LRRC49: variants seen among roughly 807,000 people sequenced by gnomAD.
LRRC49 encodes the protein leucine-rich repeat-containing protein 49.
Under a neutral mutation model 83.3 loss-of-function variants are expected in LRRC49, and 50 were observed. That is an observed-to-expected ratio of 0.60 (90% confidence interval 0.48 to 0.76). The LOEUF (loss-of-function observed/expected upper bound fraction) is 0.76. LRRC49 is among the 30% of genes least tolerant of loss of function. The pLI, the probability that LRRC49 is intolerant of heterozygous loss-of-function variation, is 0.00. For synonymous variants in LRRC49, 286 were observed against 283.3 expected, an observed-to-expected ratio of 1.01 and a Z score of -0.10; for missense variants, 704 against 809.1, an observed-to-expected ratio of 0.87 and a Z score of 1.58.
At chr15:70,997,597 G>T (rs986844388) in intron 11 of LRRC49, among the ~76,000 whole-genome samples, 13 of 152,134 alleles carry the variant, frequency 8.5e-5, no homozygotes, top group Admixed American at 1.3e-4. Flanking sequence ...CTAAAAATAT[G>T]AAAATTAGCC....
At chr15:70,927,028 A>G (rs1388100435) in intron 7 of LRRC49, among the ~76,000 whole-genome samples, 2 of 152,276 alleles carry the variant, frequency 1.3e-5, no homozygotes, top group South Asian at 2.1e-4. Flanking sequence ...CAAAACCACA[A>G]TGAGATACCA....
chr15:70,909,424 G>T (rs1051755982), intron 5 of LRRC49, among the ~76,000 whole-genome samples: 63 of 152,046 alleles, frequency 4.1e-4, no homozygotes, highest in African/African-American at 1.5e-3. Context: ...GGAATAAAAG[G>T]CTTCTCTAAT....
intron 14 of LRRC49, among the ~76,000 whole-genome samples, chr15:71,021,247 C>A (rs767744489): frequency 6.6e-6 from 1 of 152,056 alleles, no homozygotes; most frequent in Non-Finnish European, 1.5e-5. Flanking sequence ...CATATGTAGT[C>A]GGAAGGAGTA....
rs1025000178 is a variant in LRRC49, at chr15:70,904,741, G to A, written c.486G>A (p.Leu162=). ...CTCTGAGATGTCTTCGTGTCCTTCT[G>A]TTGGGGAAAAACAGGTATTCTTTGT... ...LSTLRCLRVL[L]LGKNRIKKIS... The change falls in exon 5 of 16, where the codon CTG becomes CTA. Residue 162 remains leucine (L), a synonymous_variant. Coordinates refer to ENST00000260382, the MANE Select transcript of LRRC49 (RefSeq NM_017691.5). The A allele has an allele frequency of 1.2e-6, 2 of 1,611,718 alleles. No homozygotes were observed. The highest frequency in any genetic ancestry group is 1.7e-6 in the Non-Finnish European group (2 of 1,178,650).
chr15:70,990,938 A>C (rs2037856341), intron 11 of LRRC49, among the ~76,000 whole-genome samples: 1 of 152,124 alleles, frequency 6.6e-6, no homozygotes, highest in Non-Finnish European at 1.5e-5. Context: ...CCTAACTCCA[A>C]GTTGGTAGGT....
At chr15:71,027,145 T>A (rs1029805425) in intron 14 of LRRC49, among the ~76,000 whole-genome samples, 3 of 152,232 alleles carry the variant, frequency 2.0e-5, no homozygotes, top group African/African-American at 7.2e-5. Flanking sequence ...GGGTCCAGTT[T>A]CAGTTTTCTG....
At chr15:70,992,724 G>A (rs1048792361) in intron 11 of LRRC49, among the ~76,000 whole-genome samples, 1 of 152,220 alleles carries the variant, frequency 6.6e-6, no homozygotes, top group Admixed American at 6.5e-5. Flanking sequence ...AAATGTTGCT[G>A]TCTGATTGTT....
At chr15:71,037,124 T>A in intron 14 of LRRC49, 55 bp from the exon 15 acceptor site, 1 of 1,236,812 alleles carries the variant, frequency 8.1e-7, no homozygotes, top group South Asian at 1.3e-5. Context: ...AAAATAGACA[T>A]GTTTTAGTAA....
At chr15:70,893,890 A>C (rs1338555596) in intron 2 of LRRC49, among the ~76,000 whole-genome samples, 1 of 148,594 alleles carries the variant, frequency 6.7e-6, no homozygotes, top group Non-Finnish European at 1.5e-5. Flanking sequence ...TGACATTTAC[A>C]CTTTTTTTTT....
At chr15:71,042,978 T>C (rs927331911) in intron 15 of LRRC49, among the ~76,000 whole-genome samples, 1 of 152,216 alleles carries the variant, frequency 6.6e-6, no homozygotes, top group African/African-American at 2.4e-5. Context: ...TTGACCACCC[T>C]AGTGCAAAGG....
intron 14 of LRRC49, among the ~76,000 whole-genome samples, chr15:71,022,043 A>C (rs551234072): frequency 6.6e-6 from 1 of 152,194 alleles, no homozygotes; most frequent in Non-Finnish European, 1.5e-5. Context: ...ATCCACCTCA[A>C]TGATAAAATG....
intron 1 of LRRC49, among the ~76,000 whole-genome samples, chr15:70,855,819 G>A (rs1298912743): frequency 1.3e-5 from 2 of 152,232 alleles, no homozygotes; most frequent in African/African-American, 4.8e-5. Flanking sequence ...TACTGGGAAA[G>A]GAAGAGGCAA....
intron 13 of LRRC49, among the ~76,000 whole-genome samples, chr15:71,011,968 TG>T (rs2038665853): frequency 6.6e-6 from 1 of 152,104 alleles, no homozygotes; most frequent in African/African-American, 2.4e-5. Flanking sequence ...TTCTTTGTTG[TG>T]GGGGCTGTCC....
intron 1 of LRRC49, among the ~76,000 whole-genome samples, chr15:70,862,122 C>T (rs531304774): frequency 1.3e-5 from 2 of 152,292 alleles, no homozygotes; most frequent in South Asian, 4.1e-4. Context: ...GAGCCAGCTG[C>T]CTACTCCGGC....
In LRRC49 at chr15:70,862,345, G is replaced by A. The variant is rs192163414; in HGVS notation, c.-299+8876G>A. On this transcript the variant is annotated intron_variant, in intron 1 of 16. Transcript: ENST00000544974. Reference sequence around the variant, plus strand: ...TGTAATCCCAGCACTTTGGGAGGCCGAGGCGGGCGTATCACAAGGCCAGGA... The same window carrying A: ...TGTAATCCCAGCACTTTGGGAGGCCAAGGCGGGCGTATCACAAGGCCAGGA... Among the ~76,000 whole-genome samples the A allele has an allele frequency of 6.7e-3, 1,025 of 152,220 alleles. 6 individuals carry two copies. The highest frequency in any genetic ancestry group is 0.011 in the Non-Finnish European group (762 of 68,008).
Position 70,984,200 on chromosome 15 carries a change from C to T in LRRC49, c.1112C>T (p.Pro371Leu). 6.2e-7 allele frequency: 1 copy of T among 1,613,424 alleles called. No homozygotes were observed. The highest frequency in any genetic ancestry group is 8.5e-7 in the Non-Finnish European group (1 of 1,179,534). Residue 371 changes from proline (P) to leucine (L), a missense_variant, in exon 11 of 16, where the codon CCT becomes CTT. Transcript: ENST00000260382. ...TNEDRKDSDS[P>L]QDPCQIDGST... is the part of the protein sequence containing the mutation. ...GAAGATAGAAAAGATTCTGACTCTC[C>T]TCAGGACCCCTGTCAGATTGATGGA...
chr15:71,014,620 A>G (rs1466498194), intron 14 of LRRC49, among the ~76,000 whole-genome samples: 1 of 152,160 alleles, frequency 6.6e-6, no homozygotes, highest in Admixed American at 6.5e-5. Context: ...ACTAAATGCC[A>G]ACAACAAACA....
intron 4 of LRRC49, among the ~76,000 whole-genome samples, chr15:70,903,346 T>C (rs2141111035): frequency 6.6e-6 from 1 of 152,198 alleles, no homozygotes; most frequent in South Asian, 2.1e-4. Flanking sequence ...TTAAATATTC[T>C]GTGAAAAAAT....
chr15:70,960,953 C>T (rs1412871833), intron 8 of LRRC49, among the ~76,000 whole-genome samples: 1 of 152,044 alleles, frequency 6.6e-6, no homozygotes, highest in African/African-American at 2.4e-5. Flanking sequence ...AAATTAGAAA[C>T]ATCTGTTCTG....
Sources: gnomAD v4.1 joint callset for allele counts (sites outside exome capture counted in the v4.1 genomes callset) on GRCh38, gnomAD v4.1.1 for gene constraint, MANE v1.5 for transcripts, NCBI Gene and HGNC (gene_info 2026-07-23, HGNC 2026-07-21) for gene names.